Variants in KLF14 observed in about 807,000 individuals in gnomAD.
The protein encoded by KLF14 is KLF transcription factor 14.
KLF14 carries 13 observed loss-of-function variants against 16.2 expected under a neutral mutation model. The ratio of observed to expected loss-of-function variants is 0.80; its 90% CI spans 0.52 to 1.28. KLF14 has a LOEUF of 1.28. Among genes scored for constraint, KLF14 ranks in the 50% most tolerant of loss-of-function variants. The pLI is 0.00. For missense variants in KLF14, 571 were observed against 493.4 expected, an observed-to-expected ratio of 1.16 and a Z score of -1.49; for synonymous variants, 276 against 233.7, an observed-to-expected ratio of 1.18 and a Z score of -1.65.
In KLF14 at chr7:130,733,862, G is replaced by A. The variant is rs111400400; in HGVS notation, c.172C>T (p.Pro58Ser). ...PESALPGPGP[P>S]GPASVPQLPQ... ...AGCTGGGGGACCGACGCGGGCCCCG[G>A]TGGCCCCGGACCCGGCAGAGCGGAC... Residue 58 changes from proline (P) to serine (S), a missense_variant, in exon 1 of 1, where the codon CCG becomes TCG. Transcript: ENST00000583337. The surrounding 1 kb of genome is among the most constrained non-coding windows in gnomAD (Gnocchi z 5.2). 0.8 allele frequency: 1,064,167 copies of A among 1,334,352 alleles called. 425,873 individuals are homozygous for A. The highest frequency in any genetic ancestry group is 0.81 in the South Asian group (40,276 of 49,462). The allele number at this position is 1,334,352 out of a possible 1,614,324, so 82.7% of individuals were successfully genotyped here.
In KLF14 at chr7:130,733,532, C is replaced by A. The variant is rs1554470920; in HGVS notation, c.502G>T (p.Gly168Ter). The change falls in exon 1 of 1, where the codon GGA (glycine) becomes TGA (stop). Residue 168 changes from glycine (G) to a stop codon, truncating the protein, a stop_gained. Transcript: ENST00000583337. LOFTEE classifies it high-confidence loss of function. The surrounding 1 kb of genome is among the most constrained non-coding windows in gnomAD (Gnocchi z 5.2). Reference protein sequence around the residue: ...GAPAASGGFSGGALGAGPAPA... With the variant: ...GAPAASGGFS ...GCGGGGCCTGCCCCTAGGGCCCCTC[C>A]AGAGAACCCACCAGAGGCTGCTGGT... The A allele has an allele frequency of 1.9e-6, 3 of 1,571,048 alleles. No individual in the cohort carries two copies. The highest frequency in any genetic ancestry group is 2.4e-5 in the East Asian group (1 of 42,412).
chr7:130,733,567 G>A lies in KLF14; in HGVS notation c.467C>T (p.Ala156Val). 2 of 1,553,758 alleles carry A rather than the reference G, an allele frequency of 1.3e-6. No individual in the cohort carries two copies. Among genetic ancestry groups the A allele is most frequent in the Non-Finnish European group, 1.7e-6 (2 of 1,149,964 alleles). The change falls in exon 1 of 1, where the codon GCC becomes GTC. Residue 156 changes from alanine (A) to valine (V), a missense_variant. Coordinates refer to ENST00000583337, the MANE Select transcript of KLF14 (RefSeq NM_138693.4). This position sits in a 1 kb window ranked among gnomAD's most constrained non-coding sequence, Gnocchi z 5.2. ...DAPAVPSAPA[A>V]PGAPAASGGF... ...ACCAGAGGCTGCTGGTGCGCCCGGGGCAGCAGGCGCGCTTGGGACGGCGGG... is the reference window on the plus strand; with the variant it reads ...ACCAGAGGCTGCTGGTGCGCCCGGGACAGCAGGCGCGCTTGGGACGGCGGG...
At position 130,733,521 on chromosome 7, in the gene KLF14, T is replaced by G. The variant is rs781863175; in HGVS notation, c.513A>C (p.Leu171=). 1 of 1,580,742 alleles carries G rather than the reference T, an allele frequency of 6.3e-7. No homozygotes were observed. The highest frequency in any genetic ancestry group is 8.6e-7 in the Non-Finnish European group (1 of 1,164,356). The change falls in exon 1 of 1, where the codon CTA becomes CTC. Residue 171 remains leucine (L), a synonymous_variant. Transcript: ENST00000583337. This position sits in a 1 kb window ranked among gnomAD's most constrained non-coding sequence, Gnocchi z 5.2. ...AASGGFSGGA[L]GAGPAPAADQ... ...CCGCGGCGGGGGCGGGGCCTGCCCC[T>G]AGGGCCCCTCCAGAGAACCCACCAG... is the stretch of plus-strand genomic sequence containing the variant.
rs1797211928 is a variant in KLF14, at chr7:130,732,762, G to A, written c.*300C>T. On this transcript the variant is annotated 3_prime_UTR_variant, in exon 1 of 1. Transcript: ENST00000583337. The stretch of plus-strand genomic sequence containing the variant: ...AGTTTCACATCCCTGGTTCCAGGGA[G>A]GGGAGAATCTTCAGTACTCTGGAGA... 2 of 285,230 alleles carry A rather than the reference G, an allele frequency of 7.0e-6. No homozygotes were observed. Among genetic ancestry groups the A allele is most frequent in the South Asian group, 1.2e-4 (1 of 8,436 alleles). 17.7% of individuals were successfully genotyped at this position (285,230 alleles called of 1,614,324 possible).
rs1431779880 is a variant in KLF14 at position 130,733,498 on chromosome 7, G to T, written c.536C>A (p.Ala179Glu). 8 of 1,600,000 alleles carry T rather than the reference G, an allele frequency of 5.0e-6. No individual in the cohort carries two copies. The change falls in exon 1 of 1, where the codon GCG becomes GAG. Residue 179 changes from alanine (A) to glutamate (E), a missense_variant. By Grantham distance (107) the Ala-to-Glu change is moderately radical. Transcript: ENST00000583337. The surrounding 1 kb of genome is among the most constrained non-coding windows in gnomAD (Gnocchi z 5.2). ...AGACCTCCTCCGGGGCGCCTGATCC[G>T]CGGCGGGGGCGGGGCCTGCCCCTAG... The part of the protein sequence containing the change: ...GALGAGPAPA[A>E]DQAPRRRSVT...
Position 130,733,698 on chromosome 7 carries a change from G to T in KLF14, c.336C>A (p.Ser112=). Residue 112 remains serine, a synonymous_variant, in exon 1 of 1, where the codon TCC becomes TCA. Coordinates refer to ENST00000583337, the MANE Select transcript of KLF14 (RefSeq NM_138693.4). This position sits in a 1 kb window ranked among gnomAD's most constrained non-coding sequence, Gnocchi z 5.2. The stretch of plus-strand genomic sequence containing the variant: ...AGCACGGGATCGGGTCGGAGAAGCC[G>T]GACGAGGCGCGTGGAGCTTCCCCCG... The part of the protein sequence containing the change: ...ENSGEAPRAS[S]GFSDPIPCSV... 6.4e-7 allele frequency: 1 copy of T among 1,569,086 alleles called. No homozygotes were observed.
chr7:130,733,950 G>C lies in KLF14; in HGVS notation c.84C>G (p.Arg28=). ...CACCCGCGCCCTCGGGGTCCGGCGGGCGGCGGTGAACCACGGCGCCCGCGG... is the reference window on the plus strand; with the variant it reads ...CACCCGCGCCCTCGGGGTCCGGCGGCCGGCGGTGAACCACGGCGCCCGCGG... ...SMSAGAVVHR[R]PPDPEGAGGA... The change falls in exon 1 of 1, where the codon CGC becomes CGG. Residue 28 remains arginine (R), a synonymous_variant. Transcript: ENST00000583337. This position sits in a 1 kb window ranked among gnomAD's most constrained non-coding sequence, Gnocchi z 5.2. 1 of 1,368,742 alleles carries C rather than the reference G, an allele frequency of 7.3e-7. No individual in the cohort carries two copies. The highest frequency in any genetic ancestry group is 9.5e-7 in the Non-Finnish European group (1 of 1,057,356). 84.8% of individuals were successfully genotyped at this position (1,368,742 alleles called of 1,614,324 possible).
rs542544041 is a variant in KLF14, at chr7:130,731,504, T to C, written c.*1558A>G. ...CTAGTCATGGCTCTTCCCAGCAACC[T>C]AGCATATGACTTTGAGCTTATCTAG... On this transcript the variant is annotated 3_prime_UTR_variant, in exon 1 of 1. Transcript: ENST00000583337. 3.9e-5 allele frequency: 6 copies of C among 152,288 alleles called. No homozygotes were observed. In the South Asian group the frequency reaches 1.2e-3, roughly 32 times the overall value. 9.4% of individuals were successfully genotyped at this position (152,288 alleles called of 1,614,324 possible).
In KLF14 at chr7:130,731,248, A is replaced by G. The variant is rs1379173328; in HGVS notation, c.*1814T>C. The G allele has an allele frequency of 1.3e-5, 2 of 152,242 alleles. No homozygotes were observed. Among genetic ancestry groups the G allele is most frequent in the Admixed American group, 1.3e-4 (2 of 15,284 alleles). The allele number at this position is 152,242 out of a possible 1,614,324, so 9.4% of individuals were successfully genotyped here. Reference sequence around the variant, plus strand: ...AGAAAGTCTCTCCTAGGATGCCAAAAAGTCATTCTCACTTTATGTCCACAT... The same window carrying G: ...AGAAAGTCTCTCCTAGGATGCCAAAGAGTCATTCTCACTTTATGTCCACAT... On this transcript the variant is annotated 3_prime_UTR_variant, in exon 1 of 1. Transcript: ENST00000583337.
rs1478376028 is a variant in KLF14, at chr7:130,730,881, G to GC, written c.*2180dup. Among the ~76,000 whole-genome samples the GC allele has an allele frequency of 6.6e-6, 1 of 152,186 alleles. No homozygotes were observed. The highest frequency in any genetic ancestry group is 1.5e-5 in the Non-Finnish European group (1 of 68,030). On this transcript the variant is annotated 3_prime_UTR_variant, in exon 1 of 1. Coordinates refer to ENST00000583337, the MANE Select transcript of KLF14 (RefSeq NM_138693.4). Reference sequence around the variant, plus strand: ...AGTAGTCTTCAATAGGACCCCCAATGCCCTAGCTATCCAGCCCTAGCTGAA... The same window carrying GC: ...AGTAGTCTTCAATAGGACCCCCAATGCCCCTAGCTATCCAGCCCTAGCTGAA...
At position 130,732,033 on chromosome 7, in the gene KLF14, G is replaced by A. The variant is rs1797195525; in HGVS notation, c.*1029C>T. 2 of 152,204 alleles carry A rather than the reference G, an allele frequency of 1.3e-5. No individual in the cohort carries two copies. Among genetic ancestry groups the A allele is most frequent in the Non-Finnish European group, 2.9e-5 (2 of 68,072 alleles). The allele number at this position is 152,204 out of a possible 1,614,324, so 9.4% of individuals were successfully genotyped here. ...GAAACGAAAATCTGCAGACTCTGAG[G>A]GAAATAACCCCCTAGTTAGCCATTA... On this transcript the variant is annotated 3_prime_UTR_variant, in exon 1 of 1. Coordinates refer to ENST00000583337, the MANE Select transcript of KLF14 (RefSeq NM_138693.4).
At position 130,733,304 on chromosome 7, in the gene KLF14, G is replaced by T; in HGVS notation, c.730C>A (p.Arg244Ser). ...TCGCCCGTGTGCGTCCTGTAGTGGC[G>T]GGCCAGCTCGTCGGAACGCGTAAAC... Reference protein sequence around the residue: ...KKFTRSDELARHYRTHTGEKR... With the variant: ...KKFTRSDELASHYRTHTGEKR... Residue 244 changes from arginine to serine, a missense_variant, in exon 1 of 1, where the codon CGC becomes AGC. Physicochemically the swap from Arg to Ser is moderately radical, Grantham distance 110. Transcript: ENST00000583337. The surrounding 1 kb of genome is among the most constrained non-coding windows in gnomAD (Gnocchi z 5.2). 1.9e-6 allele frequency: 3 copies of T among 1,608,808 alleles called. No individual in the cohort carries two copies. The highest frequency in any genetic ancestry group is 2.5e-6 in the Non-Finnish European group (3 of 1,177,972).
Position 130,733,992 on chromosome 7 carries a change from C to T in KLF14, c.42G>A (p.Glu14=), listed in dbSNP as rs1340556191. Residue 14 remains glutamate (E), a synonymous_variant, in exon 1 of 1, where the codon GAG becomes GAA. Transcript: ENST00000583337. This position sits in a 1 kb window ranked among gnomAD's most constrained non-coding sequence, Gnocchi z 5.2. ...AVACLDYFAA[E]CLVSMSAGAV... is the part of the protein sequence containing the mutation. ...CGCCCGCGGACATGGACACCAGGCA[C>T]TCGGCGGCGAAGTAGTCCAGGCACG... 4 of 1,377,222 alleles carry T rather than the reference C, an allele frequency of 2.9e-6. No individual in the cohort carries two copies. Among genetic ancestry groups the T allele is most frequent in the South Asian group, 1.4e-5 (1 of 69,920 alleles). The allele number at this position is 1,377,222 out of a possible 1,614,324, so 85.3% of individuals were successfully genotyped here.
In KLF14 at chr7:130,731,285, A is replaced by C. The variant is rs1214376419; in HGVS notation, c.*1777T>G. ...CTTTATGTCCACATGGTGTGAAGGG[A>C]GGGAACGTAACCAGTTAAGAAAAGG... On this transcript the variant is annotated 3_prime_UTR_variant, in exon 1 of 1. Transcript: ENST00000583337. 1 of 152,298 alleles carries C rather than the reference A, an allele frequency of 6.6e-6. No individual in the cohort carries two copies. Among genetic ancestry groups the C allele is most frequent in the Non-Finnish European group, 1.5e-5 (1 of 68,084 alleles). The allele number at this position is 152,298 out of a possible 1,614,324, so 9.4% of individuals were successfully genotyped here. A position where few individuals can be genotyped will look rare whatever the true frequency, so the allele number is the denominator to read the frequency against.
In KLF14 at chr7:130,733,095, G is replaced by C. The variant is rs1554470771; in HGVS notation, c.939C>G (p.Pro313=). 2 of 1,578,972 alleles carry C rather than the reference G, an allele frequency of 1.3e-6. No homozygotes were observed. Among genetic ancestry groups the C allele is most frequent in the Admixed American group, 3.5e-5 (2 of 57,122 alleles). ...AGGTGGTGAAGCTGGGCGCCGGGCC[G>C]GGACCGGAGCCGGAGGCGGAGCTTT... ...EVESSASGSG[P]GPAPSFTTCL The change falls in exon 1 of 1, where the codon CCC becomes CCG. Residue 313 remains proline (P), a synonymous_variant. Coordinates refer to ENST00000583337, the MANE Select transcript of KLF14 (RefSeq NM_138693.4). The surrounding 1 kb of genome is among the most constrained non-coding windows in gnomAD (Gnocchi z 5.2).
rs201434398 is a variant in KLF14, at chr7:130,733,141, G to A, written c.893C>T (p.Pro298Leu). ...GCTTTCCACCTCGCTGGTGAGTGGC[G>A]GGTCGATGCGGGGAGTTCGACGACG... ...RGRRRTPRIDPPLTSEVESSA... is the reference protein window; with the variant it reads ...RGRRRTPRIDLPLTSEVESSA... The change falls in exon 1 of 1, where the codon CCG becomes CTG. Residue 298 changes from proline (P) to leucine (L), a missense_variant. By Grantham distance (98) the Pro-to-Leu change is moderately conservative. Transcript: ENST00000583337. The surrounding 1 kb of genome is among the most constrained non-coding windows in gnomAD (Gnocchi z 5.2). 5 of 1,577,968 alleles carry A rather than the reference G, an allele frequency of 3.2e-6. No individual in the cohort carries two copies. The highest frequency in any genetic ancestry group is 4.3e-6 in the Non-Finnish European group (5 of 1,160,502).
chr7:130,733,788 G>A lies in KLF14; in HGVS notation c.246C>T (p.His82=), dbSNP rs1797247344. Reference sequence around the variant, plus strand: ...CCGCCCAGACGCTTGCAGCCAGCAGGTGGGGCGCGGCGCCGCCCGCGCCGG... The same window carrying A: ...CCGCCCAGACGCTTGCAGCCAGCAGATGGGGCGCGGCGCCGCCCGCGCCGG... The part of the protein sequence containing the change: ...PSPGAGGAAP[H]LLAASVWADL... The change falls in exon 1 of 1, where the codon CAC becomes CAT. Residue 82 remains histidine (H), a synonymous_variant. Coordinates refer to ENST00000583337, the MANE Select transcript of KLF14 (RefSeq NM_138693.4). The surrounding 1 kb of genome is among the most constrained non-coding windows in gnomAD (Gnocchi z 5.2). The A allele has an allele frequency of 1.3e-6, 2 of 1,489,838 alleles. No individual in the cohort carries two copies. The highest frequency in any genetic ancestry group is 1.5e-5 in the African/African-American group (1 of 68,248). The allele number at this position is 1,489,838 out of a possible 1,614,324, so 92.3% of individuals were successfully genotyped here. A position where few individuals can be genotyped will look rare whatever the true frequency, so the allele number is the denominator to read the frequency against.
rs1426425233 is a variant in KLF14, at chr7:130,731,055, C to A, written c.*2007G>T. On this transcript the variant is annotated 3_prime_UTR_variant, in exon 1 of 1. Transcript: ENST00000583337. The stretch of plus-strand genomic sequence containing the variant: ...TACTGAACCTCTTCAGGGTCATAGG[C>A]CATACTCTTTTGGTCCTTTCTAAGG... 6.6e-6 allele frequency among the ~76,000 whole-genome samples: 1 copy of A among 152,156 alleles called. No individual in the cohort carries two copies. The highest frequency in any genetic ancestry group is 1.5e-5 in the Non-Finnish European group (1 of 68,024).
chr7:130,731,196 C>T lies in KLF14; in HGVS notation c.*1866G>A, dbSNP rs1797182468. The T allele has an allele frequency of 6.6e-6, 1 of 152,296 alleles. No homozygotes were observed. The highest frequency in any genetic ancestry group is 6.5e-5 in the Admixed American group (1 of 15,288). 9.4% of individuals were successfully genotyped at this position (152,296 alleles called of 1,614,324 possible). ...GACCAGAAAAAGAAGGGAATTCACACTGAAAATTAACCTAGCAGGTCCAAA... is the reference window on the plus strand; with the variant it reads ...GACCAGAAAAAGAAGGGAATTCACATTGAAAATTAACCTAGCAGGTCCAAA... On this transcript the variant is annotated 3_prime_UTR_variant, in exon 1 of 1. Transcript: ENST00000583337.
Sources: gnomAD v4.1 joint callset for allele counts (sites outside exome capture counted in the v4.1 genomes callset) on GRCh38, gnomAD v4.1.1 for gene constraint, Gnocchi (gnomAD v3.1) non-coding constraint, MANE v1.5 for transcripts, NCBI Gene and HGNC (gene_info 2026-07-23, HGNC 2026-07-21) for gene names.